LUZP2: variants seen among roughly 807,000 people sequenced by gnomAD.
LUZP2 encodes the protein leucine zipper protein 2.
LUZP2 carries 52 observed loss-of-function variants against 51.6 expected under a neutral mutation model. The observed-to-expected ratio is 1.01, with a 90% CI of 0.81 to 1.27. The LOEUF (loss-of-function observed/expected upper bound fraction) is 1.27, where lower values mean the gene tolerates loss of function less well. LUZP2 is among the 50% of genes most tolerant of loss of function. The probability of loss-of-function intolerance (pLI) is 0.00; values close to 1 mark genes in which losing one functional copy is unlikely to be tolerated. For missense variants in LUZP2, 436 were observed against 395.4 expected, an observed-to-expected ratio of 1.10 and a Z score of -0.87; for synonymous variants, 154 against 137.3, an observed-to-expected ratio of 1.12 and a Z score of -0.85.
At chr11:24,886,526 T>G (rs1389034854) in intron 5 of LUZP2, among the ~76,000 whole-genome samples, 1 of 152,204 alleles carries the variant, frequency 6.6e-6, no homozygotes, top group Non-Finnish European at 1.5e-5. Flanking sequence ...GGAGAAAAAT[T>G]TATTTCCATT....
intron 9 of LUZP2, among the ~76,000 whole-genome samples, chr11:25,029,080 G>A (rs966419072): frequency 3.3e-5 from 5 of 152,172 alleles, no homozygotes; most frequent in African/African-American, 1.2e-4. Flanking sequence ...ACCAGAGGCT[G>A]GGAAGGGTAG....
intron 1 of LUZP2, among the ~76,000 whole-genome samples, chr11:24,591,283 G>A (rs1160162275): frequency 6.6e-6 from 1 of 151,696 alleles, no homozygotes; most frequent in Non-Finnish European, 1.5e-5. Flanking sequence ...GGGTGGGAGA[G>A]CACTTGAGCC....
At chr11:24,602,159 T>TGC (rs1853708658) in intron 1 of LUZP2, among the ~76,000 whole-genome samples, 1 of 122,162 alleles carries the variant, frequency 8.2e-6, no homozygotes, top group African/African-American at 3.3e-5. Flanking sequence ...TGTATATATG[T>TGC]ATATATGTGT....
chr11:24,938,838 A>G (rs894161816), intron 7 of LUZP2, among the ~76,000 whole-genome samples: 2 of 152,216 alleles, frequency 1.3e-5, no homozygotes, highest in South Asian at 4.1e-4. Flanking sequence ...AGCTTTAGCT[A>G]CATGGAATGA....
chr11:25,009,577 A>G (rs1856927648), intron 9 of LUZP2, among the ~76,000 whole-genome samples: 1 of 152,156 alleles, frequency 6.6e-6, no homozygotes, highest in Non-Finnish European at 1.5e-5. Flanking sequence ...AATATGTATA[A>G]GAAGGGATCA....
At chr11:24,569,244 C>T (rs182281290) in intron 1 of LUZP2, among the ~76,000 whole-genome samples, 38 of 152,012 alleles carry the variant, frequency 2.5e-4, no homozygotes, top group South Asian at 8.3e-4. Context: ...TATATAAATA[C>T]GCTGTTATAC....
intron 1 of LUZP2, among the ~76,000 whole-genome samples, chr11:24,717,428 A>C (rs1197284036): frequency 8.3e-6 from 1 of 121,160 alleles, no homozygotes; most frequent in African/African-American, 3.2e-5. Context: ...TTTTTTTTTG[A>C]GACGGAGTAT....
intron 9 of LUZP2, among the ~76,000 whole-genome samples, chr11:25,005,907 T>C (rs1856820662): frequency 6.6e-6 from 1 of 152,122 alleles, no homozygotes; most frequent in Non-Finnish European, 1.5e-5. Flanking sequence ...TATCGGGATC[T>C]TACCCCTGTC....
chr11:24,958,114 G>C (rs1855265339), intron 7 of LUZP2, among the ~76,000 whole-genome samples: 1 of 152,094 alleles, frequency 6.6e-6, no homozygotes, highest in Admixed American at 6.5e-5. Context: ...AGTATTCCAT[G>C]GTGTATATGT....
chr11:24,996,716 C>A (rs555734995), intron 9 of LUZP2, among the ~76,000 whole-genome samples: 1 of 151,300 alleles, frequency 6.6e-6, no homozygotes, highest in South Asian at 2.1e-4. Context: ...TGTGCTGCAC[C>A]CATTAACTCG....
intron 9 of LUZP2, among the ~76,000 whole-genome samples, chr11:25,000,309 C>T (rs145229288): frequency 8.5e-4 from 130 of 152,256 alleles, no homozygotes; most frequent in African/African-American, 3.0e-3. Flanking sequence ...AACAGGACAC[C>T]CCAACTGCTG....
At chr11:24,910,308 A>G (rs1280688519) in intron 6 of LUZP2, among the ~76,000 whole-genome samples, 3 of 152,230 alleles carry the variant, frequency 2.0e-5, no homozygotes, top group East Asian at 1.9e-4. Flanking sequence ...AGAAATTTGC[A>G]TAAGTAATGA....
intron 1 of LUZP2, among the ~76,000 whole-genome samples, chr11:24,651,981 A>C (rs567369778): frequency 6.7e-6 from 1 of 150,150 alleles, no homozygotes; most frequent in Admixed American, 6.6e-5. Flanking sequence ...CTTTCTCTCT[A>C]TCTCTCTGTG....
intron 5 of LUZP2, among the ~76,000 whole-genome samples, chr11:24,787,125 G>A (rs1434176121): frequency 2.6e-5 from 4 of 152,032 alleles, no homozygotes; most frequent in Non-Finnish European, 4.4e-5. Context: ...CAACAGCTAC[G>A]TTTGGGTACC....
At chr11:24,628,656 T>C (rs1008589037) in intron 1 of LUZP2, among the ~76,000 whole-genome samples, 12 of 152,158 alleles carry the variant, frequency 7.9e-5, no homozygotes, top group African/African-American at 2.9e-4. Context: ...CCTCCCAGGT[T>C]CAGGCGATTC....
chr11:24,564,394 C>T (rs1412008999), intron 1 of LUZP2, among the ~76,000 whole-genome samples: 3 of 151,942 alleles, frequency 2.0e-5, no homozygotes, highest in African/African-American at 7.3e-5. Flanking sequence ...TTAATTCAGG[C>T]TTATAGAAAT....
rs369136790 is a variant in LUZP2, at chr11:24,751,709, A to T, written c.334-11537A>T. Among the ~76,000 whole-genome samples the T allele has an allele frequency of 1.5e-3, 159 of 107,940 alleles. 1 individual carries two copies. The highest frequency in any genetic ancestry group is 0.011 in the East Asian group (51 of 4,728). 70.8% of individuals were successfully genotyped at this position (107,940 alleles called of 152,430 possible). A position where few individuals can be genotyped will look rare whatever the true frequency, so the allele number is the denominator to read the frequency against. Reference sequence around the variant, plus strand: ...TTGCCACACAGAGCAATTGAAAATTAAAAAAAAAAAAAAAAATCAGATAAG... The same window carrying T: ...TTGCCACACAGAGCAATTGAAAATTTAAAAAAAAAAAAAAAATCAGATAAG... On this transcript the variant is annotated intron_variant, in intron 4 of 11. Transcript: ENST00000336930.
intron 9 of LUZP2, among the ~76,000 whole-genome samples, chr11:25,010,732 A>AGGTG (rs1856961456): frequency 6.6e-6 from 1 of 152,054 alleles, no homozygotes; most frequent in African/African-American, 2.4e-5. Flanking sequence ...ATGTAGTCCC[A>AGGTG]GCTACTCCAG....
chr11:24,695,973 A>G (rs1857235574), intron 1 of LUZP2, among the ~76,000 whole-genome samples: 1 of 152,120 alleles, frequency 6.6e-6, no homozygotes, highest in Non-Finnish European at 1.5e-5. Flanking sequence ...ATATATGTTC[A>G]GAAGTAGAGA....
Sources: allele counts gnomAD v4.1 joint callset (sites outside exome capture counted in the v4.1 genomes callset), GRCh38; gene constraint gnomAD v4.1.1; transcripts MANE v1.5; gene names NCBI Gene and HGNC (gene_info 2026-07-23, HGNC 2026-07-21).